The following BCORL1 variants were observed in gnomAD, a reference collection of about 807,000 sequenced individuals.
The protein encoded by BCORL1 is BCL6 corepressor like 1.
Under a neutral mutation model 87.6 loss-of-function variants are expected in BCORL1, and 7 were observed. The observed-to-expected ratio is 0.08, with a 90% CI of 0.05 to 0.15. BCORL1 has a LOEUF of 0.15. Ranked by LOEUF, BCORL1 falls within the 10% of genes least tolerant of loss-of-function variation. BCORL1 has a pLI of 1.00. For missense variants in BCORL1, 1,215 were observed against 1,499.7 expected, an observed-to-expected ratio of 0.81 and a Z score of 3.13; for synonymous variants, 591 against 634.4, an observed-to-expected ratio of 0.93 and a Z score of 1.03.
intron 11 of BCORL1, among the ~76,000 whole-genome samples, chrX:130,039,710 G>A (rs1435206043): frequency 5.3e-5 from 6 of 112,932 alleles, no homozygotes; most frequent in African/African-American, 1.9e-4. Context: ...TGATCAAGTG[G>A]ATCACAGTGG....
chrX:130,001,865 A>T (rs1345025857), intron 1 of BCORL1, among the ~76,000 whole-genome samples: 1 of 110,159 alleles, frequency 9.1e-6, no homozygotes, highest in Non-Finnish European at 1.9e-5. Flanking sequence ...GGAGGGAAGG[A>T]GTGACATGAT....
rs1375034523 is a variant in BCORL1 at position 130,043,760 on chromosome X, ATATATATATATATATATATATATATTTT to A, written c.4840+4480_4840+4507del. Among the ~76,000 whole-genome samples the A allele has an allele frequency of 5.3e-3, 72 of 13,513 alleles. 3 individuals are homozygous for A. The highest frequency in any genetic ancestry group is 6.5e-3 in the Non-Finnish European group (61 of 9,322). 11.7% of individuals were successfully genotyped at this position (13,513 alleles called of 115,157 possible). A position where few individuals can be genotyped will look rare whatever the true frequency, so the allele number is the denominator to read the frequency against. ...CAGCTAATTTGTTATATATATATAT[ATATATATATATATATATATATATATTTT>A]TTTTTTTTTTTTTTTTTGAGACGGA... On this transcript the variant is annotated intron_variant, in intron 11 of 13. Coordinates refer to ENST00000540052, the MANE Select transcript of BCORL1 (RefSeq NM_001379451.1).
In BCORL1 at chrX:130,013,425, C is replaced by A; in HGVS notation, c.653C>A (p.Pro218Gln). The change falls in exon 4 of 14, where the codon CCA becomes CAA. Residue 218 changes from proline to glutamine, a missense_variant. Pro to Gln is a moderately conservative substitution (Grantham distance 76). Around this residue, in one of 5 missense-constraint regions of BCORL1, gnomAD observed 861 missense variants for 1,010.0 expected, o/e 0.85. Coordinates refer to ENST00000540052, the MANE Select transcript of BCORL1 (RefSeq NM_001379451.1). ...PGSASVPHSV[P>Q]DAFQVPLSVP... ...TCGGCCTCTGTGCCCCACTCTGTTC[C>A]AGATGCATTCCAGGTTCCCCTCTCC... 1 of 1,211,426 alleles carries A rather than the reference C, an allele frequency of 8.3e-7. No homozygotes were observed. Among genetic ancestry groups the A allele is most frequent in the South Asian group, 1.8e-5 (1 of 56,954 alleles).
At chrX:130,005,616 AT>A (rs200566885) in intron 2 of BCORL1, among the ~76,000 whole-genome samples, 20 of 106,414 alleles carry the variant, frequency 1.9e-4, no homozygotes, top group Non-Finnish European at 2.9e-4. Context: ...GGCAATGGCA[AT>A]TTTTTTTTTG....
intron 1 of BCORL1, among the ~76,000 whole-genome samples, chrX:129,983,826 C>G (rs1401462959): frequency 1.8e-5 from 2 of 110,272 alleles, no homozygotes. Context: ...CCTCCACCCG[C>G]TTCGCGCCAG....
chrX:130,045,145 C>A (rs983023609), intron 11 of BCORL1, among the ~76,000 whole-genome samples: 3 of 112,259 alleles, frequency 2.7e-5, no homozygotes, highest in Non-Finnish European at 3.8e-5. Context: ...AAGGCCTCCC[C>A]CTTCAGCCAA....
chrX:130,013,084 C>A lies in BCORL1; in HGVS notation c.312C>A (p.Asn104Lys). 1 of 1,210,611 alleles carries A rather than the reference C, an allele frequency of 8.3e-7. No individual in the cohort carries two copies. The highest frequency in any genetic ancestry group is 1.1e-6 in the Non-Finnish European group (1 of 894,432). ...AGCCAAAAATGGACTACGCTGGGAA[C>A]GTGGCAGAGGCTGAGGGCCTCTTGG... ...DPQPKMDYAG[N>K]VAEAEGLLVP... Residue 104 changes from asparagine (N) to lysine (K), a missense_variant, in exon 4 of 14, where the codon AAC (asparagine) becomes AAA (lysine). Transcript: ENST00000540052.
At chrX:129,980,382 T>C (rs1427746648), upstream of BCORL1, among the ~76,000 whole-genome samples, 1 of 112,629 alleles carries the variant, frequency 8.9e-6, no homozygotes, top group African/African-American at 3.2e-5. Context: ...CCGGGGGCTC[T>C]GCCCAGGTAA....
At chrX:130,029,618 GT>G (rs1274240488) in intron 8 of BCORL1, among the ~76,000 whole-genome samples, 1 of 107,790 alleles carries the variant, frequency 9.3e-6, no homozygotes, top group Non-Finnish European at 1.9e-5. Flanking sequence ...TCTTCAGCTT[GT>G]TTTGGTGGTC....
Position 130,014,308 on chromosome X carries a change from G to A in BCORL1, c.1536G>A (p.Leu512=). ...YPYAFSVARP[L]TSDSKLVSLE... ...ATGCATTTTCTGTGGCCCGGCCTCTGACTTCGGATTCCAAGCTGGTATCTC... is the reference window on the plus strand; with the variant it reads ...ATGCATTTTCTGTGGCCCGGCCTCTAACTTCGGATTCCAAGCTGGTATCTC... Residue 512 remains leucine (L), a synonymous_variant, in exon 4 of 14, where the codon CTG becomes CTA. Coordinates refer to ENST00000540052, the MANE Select transcript of BCORL1 (RefSeq NM_001379451.1). 1 of 1,211,530 alleles carries A rather than the reference G, an allele frequency of 8.3e-7. No homozygotes were observed. The highest frequency in any genetic ancestry group is 2.2e-5 in the Admixed American group (1 of 46,019).
rs1929126846 is a variant in BCORL1 at position 130,013,339 on chromosome X, G to T, written c.567G>T (p.Leu189=). The change falls in exon 4 of 14, where the codon CTG becomes CTT. Residue 189 remains leucine, a synonymous_variant. Coordinates refer to ENST00000540052, the MANE Select transcript of BCORL1 (RefSeq NM_001379451.1). ...CTGGAGTCCCTGTGGAGGGGACCCT[G>T]CCCCTGGTTACCACTAACTTCAGTC... ...LGTGVPVEGT[L]PLVTTNFSPL... 2 of 1,209,698 alleles carry T rather than the reference G, an allele frequency of 1.7e-6. No individual in the cohort carries two copies. Among genetic ancestry groups the T allele is most frequent in the Non-Finnish European group, 2.2e-6 (2 of 895,009 alleles).
intron 1 of BCORL1, among the ~76,000 whole-genome samples, chrX:129,992,244 T>G (rs1217990039): frequency 1.8e-5 from 2 of 110,574 alleles, no homozygotes; most frequent in Admixed American, 1.9e-4. Context: ...AAGACCAGCC[T>G]GGGCAATGTA....
At chrX:129,996,640 A>G (rs1025858448) in intron 1 of BCORL1, among the ~76,000 whole-genome samples, 1 of 111,093 alleles carries the variant, frequency 9.0e-6, no homozygotes, top group Non-Finnish European at 1.9e-5. Context: ...ATTTTTTGAG[A>G]CAGGATCTCT....
At chrX:130,055,800 G>A in intron 13 of BCORL1, 54 bp from the exon 14 acceptor site, 4 of 1,133,955 alleles carry the variant, frequency 3.5e-6, no homozygotes, top group Non-Finnish European at 4.7e-6. Context: ...CTGGGTCGGT[G>A]CCCCCACCGC....
chrX:130,027,880 A>T (rs1312778210), intron 7 of BCORL1, among the ~76,000 whole-genome samples: 1 of 111,893 alleles, frequency 8.9e-6, no homozygotes, highest in African/African-American at 3.2e-5. Context: ...GCCCCTACAC[A>T]CGGGGTTAGG....
intron 10 of BCORL1, among the ~76,000 whole-genome samples, chrX:130,038,351 G>A (rs1042651480): frequency 2.7e-5 from 3 of 111,762 alleles, no homozygotes; most frequent in African/African-American, 9.8e-5. Flanking sequence ...AGAGACAGGA[G>A]CTGCAGATCC....
At position 130,034,480 on chromosome X, in the gene BCORL1, A is replaced by C. The variant is rs1427725665; in HGVS notation, c.4331A>C (p.Lys1444Thr). The part of the protein sequence containing the change: ...AKGKGRWSQQ[K>T]TRSPKSPTPV... ...GGCAAAGGTCGTTGGAGCCAGCAGA[A>C]GACACGATCTCCCAAATCTCCCACC... Residue 1444 changes from lysine (K) to threonine (T), a missense_variant, in exon 9 of 14, where the codon AAG becomes ACG. Transcript: ENST00000540052. The C allele has an allele frequency of 1.0e-6, 1 of 980,980 alleles. No homozygotes were observed. Among genetic ancestry groups the C allele is most frequent in the Non-Finnish European group, 1.3e-6 (1 of 755,710 alleles). The allele number at this position is 980,980 out of a possible 1,213,427, so 80.8% of individuals were successfully genotyped here.
chrX:130,021,484 G>A (rs1929813170), intron 5 of BCORL1, among the ~76,000 whole-genome samples: 1 of 112,195 alleles, frequency 8.9e-6, no homozygotes, highest in Non-Finnish European at 1.9e-5. Context: ...CAAAAACCAC[G>A]GAATGGGGGT....
At chrX:129,990,510 C>T (rs749777022) in intron 1 of BCORL1, among the ~76,000 whole-genome samples, 44 of 112,154 alleles carry the variant, frequency 3.9e-4, no homozygotes, top group African/African-American at 1.4e-3. Context: ...GGATTACAGG[C>T]ATGAGCCACT....
Sources: allele counts gnomAD v4.1 joint callset (sites outside exome capture counted in the v4.1 genomes callset), GRCh38; gene constraint gnomAD v4.1.1; regional missense constraint gnomAD v4.1.1; transcripts MANE v1.5; gene names NCBI Gene and HGNC (gene_info 2026-07-23, HGNC 2026-07-21).